The following CHD2 variants were observed in gnomAD, a reference collection of about 807,000 sequenced individuals.
CHD2 encodes the protein chromodomain helicase DNA binding protein 2.
A neutral mutation model predicts 243.9 loss-of-function variants in CHD2; 28 were observed. That is an observed-to-expected ratio of 0.11 (90% CI 0.09 to 0.16). The LOEUF (loss-of-function observed/expected upper bound fraction) is 0.16, where lower values mean the gene tolerates loss of function less well. CHD2 is among the 10% of genes least tolerant of loss of function. CHD2 has a pLI of 1.00. For synonymous variants in CHD2, 775 were observed against 779.0 expected, an observed-to-expected ratio of 0.99 and a Z score of 0.09; for missense variants, 1,386 against 2,209.8, an observed-to-expected ratio of 0.63 and a Z score of 7.47.
Position 92,979,269 on chromosome 15 carries a change from C to T in CHD2, c.2862C>T (p.Asn954=). ...DTTGRTILEN[N]SGRSNSNPFN... ...CTGGCCGGACGATCCTGGAAAACAA[C>T]TCAGGAAGGTCCAAGTAAGTGCCAG... The change falls in exon 22 of 39, where the codon AAC becomes AAT. Residue 954 remains asparagine, a synonymous_variant. Transcript: ENST00000394196. 1 of 1,613,894 alleles carries T rather than the reference C, an allele frequency of 6.2e-7. No individual in the cohort carries two copies. The highest frequency in any genetic ancestry group is 8.5e-7 in the Non-Finnish European group (1 of 1,179,906).
At chr15:92,969,582 C>T (rs1696409500) in intron 17 of CHD2, among the ~76,000 whole-genome samples, 1 of 152,088 alleles carries the variant, frequency 6.6e-6, no homozygotes. Flanking sequence ...CATACTGGGC[C>T]CTAGGGGTGC....
intron 37 of CHD2, among the ~76,000 whole-genome samples, chr15:93,017,652 G>T (rs1223714959): frequency 6.6e-6 from 1 of 151,938 alleles, no homozygotes; most frequent in East Asian, 1.9e-4. Context: ...TGGCCTAAAC[G>T]CATTCTTTTT....
intron 20 of CHD2, 148 bp downstream of exon 20, chr15:92,975,098 G>T (rs2053890256): frequency 1.6e-6 from 1 of 639,254 alleles, no homozygotes; most frequent in Non-Finnish European, 2.7e-6. Flanking sequence ...TCATATAAAA[G>T]ATGGTGTTTT....
intron 37 of CHD2, among the ~76,000 whole-genome samples, chr15:93,015,170 C>G (rs2054442981): frequency 6.6e-6 from 1 of 152,196 alleles, no homozygotes; most frequent in South Asian, 2.1e-4. Flanking sequence ...CCTCCACCTC[C>G]TGGGTTCAGG....
chr15:92,919,709 A>G (rs2052917642), intron 2 of CHD2, among the ~76,000 whole-genome samples: 1 of 152,108 alleles, frequency 6.6e-6, no homozygotes, highest in African/African-American at 2.4e-5. Context: ...CTTTTTAAAA[A>G]CACTCATTCA....
chr15:92,966,245 G>A (rs2053761609), intron 16 of CHD2, among the ~76,000 whole-genome samples: 1 of 151,560 alleles, frequency 6.6e-6, no homozygotes, highest in Non-Finnish European at 1.5e-5. Flanking sequence ...TGTATTTTTA[G>A]TAGAGATGGG....
intron 37 of CHD2, among the ~76,000 whole-genome samples, chr15:93,018,894 T>A (rs538167356): frequency 6.6e-6 from 1 of 152,328 alleles, no homozygotes; most frequent in Admixed American, 6.5e-5. Context: ...CTTAATTACA[T>A]CTGCAAAGAC....
chr15:92,997,230 T>TC lies in CHD2; in HGVS notation c.3735-21dup. ...CAAAAAGGCCCCTCTTCTAATGTCT[T>TC]CCTGTTTTTAAACTTTCTTTAGATA... On this transcript the variant is annotated intron_variant, in intron 29 of 38. Coordinates refer to ENST00000394196, the MANE Select transcript of CHD2 (RefSeq NM_001271.4). This position sits in a 1 kb window ranked among gnomAD's most constrained non-coding sequence, Gnocchi z 4.1. 6.2e-7 allele frequency: 1 copy of TC among 1,613,946 alleles called. No individual in the cohort carries two copies. Among genetic ancestry groups the TC allele is most frequent in the Non-Finnish European group, 8.5e-7 (1 of 1,179,940 alleles).
At chr15:92,924,785 C>T (rs994296482) in intron 3 of CHD2, among the ~76,000 whole-genome samples, 9 of 152,046 alleles carry the variant, frequency 5.9e-5, no homozygotes, top group South Asian at 2.1e-4. Context: ...AATTTTTATA[C>T]GCTTGGTTTT....
intron 2 of CHD2, chr15:92,902,016 T>G (rs1339103375): frequency 2.6e-6 from 1 of 390,408 alleles, no homozygotes; most frequent in South Asian, 1.4e-4. Flanking sequence ...TATTTTGTGT[T>G]TGTTACTGTG....
chr15:92,952,106 A>G (rs1048032383), intron 13 of CHD2, among the ~76,000 whole-genome samples: 3 of 152,222 alleles, frequency 2.0e-5, no homozygotes, highest in African/African-American at 7.2e-5. Flanking sequence ...TTTCCTGCCA[A>G]AATGACTGTA....
intron 2 of CHD2, among the ~76,000 whole-genome samples, chr15:92,912,512 G>A (rs1473903471): frequency 3.3e-5 from 5 of 151,964 alleles, no homozygotes; most frequent in Middle Eastern, 3.4e-3. Flanking sequence ...GTGCACCACC[G>A]TGCCCAGTTA....
intron 20 of CHD2, among the ~76,000 whole-genome samples, chr15:92,975,903 A>G (rs919831824): frequency 3.3e-5 from 5 of 152,196 alleles, no homozygotes; most frequent in African/African-American, 4.8e-5. Flanking sequence ...GAGGAATGGA[A>G]TAATTAAAGA....
Position 93,004,770 on chromosome 15 carries a change from G to T in CHD2, c.4413+19G>T, listed in dbSNP as rs376928152. On this transcript the variant is annotated intron_variant, in intron 34 of 38. Coordinates refer to ENST00000394196, the MANE Select transcript of CHD2 (RefSeq NM_001271.4). ...CAGCATAGTAAGTCTTGAAATCGGG[G>T]GGTGCCAGTGTCTGCAGCCGCGGTA... The T allele has an allele frequency of 6.2e-6, 10 of 1,606,342 alleles. No individual in the cohort carries two copies. Among genetic ancestry groups the T allele is most frequent in the Non-Finnish European group, 8.5e-6 (10 of 1,175,536 alleles).
intron 17 of CHD2, 79 bp from the exon 18 acceptor site, chr15:92,971,686 C>T: frequency 7.8e-7 from 1 of 1,277,886 alleles, no homozygotes; most frequent in Non-Finnish European, 1.1e-6. Flanking sequence ...AATACTACTA[C>T]TATCTCTTAT....
intron 34 of CHD2, among the ~76,000 whole-genome samples, chr15:93,008,529 G>T (rs188014063): frequency 2.6e-5 from 4 of 152,196 alleles, no homozygotes; most frequent in African/African-American, 9.6e-5. Flanking sequence ...TTCCCTCCTG[G>T]CTTCGAATTT....
chr15:92,972,634 G>A (rs1195199118), intron 19 of CHD2, among the ~76,000 whole-genome samples: 1 of 11,208 alleles, frequency 8.9e-5, no homozygotes, highest in African/African-American at 1.3e-4. Flanking sequence ...GGCGGATCAC[G>A]AGGTCAGGAG....
chr15:92,914,817 T>C (rs1026458303), intron 2 of CHD2, among the ~76,000 whole-genome samples: 1 of 152,186 alleles, frequency 6.6e-6, no homozygotes, highest in African/African-American at 2.4e-5. Flanking sequence ...AGGTGCCCAT[T>C]GGGCATGGTG....
intron 5 of CHD2, among the ~76,000 whole-genome samples, chr15:92,929,437 A>G (rs1231892427): frequency 1.3e-5 from 2 of 152,218 alleles, no homozygotes; most frequent in African/African-American, 4.8e-5. Context: ...TGTAGTAAGC[A>G]AGGAACAAAT....
Sources: gnomAD v4.1 joint callset for allele counts (sites outside exome capture counted in the v4.1 genomes callset) on GRCh38, gnomAD v4.1.1 for gene constraint, Gnocchi (gnomAD v3.1) non-coding constraint, MANE v1.5 for transcripts, NCBI Gene and HGNC (gene_info 2026-07-23, HGNC 2026-07-21) for gene names.